The following DMD variants were observed in gnomAD, a reference collection of about 807,000 sequenced individuals.
The protein encoded by DMD is mutant dystrophin.
DMD carries 63 observed loss-of-function variants against 330.1 expected under a neutral mutation model. The observed-to-expected ratio is 0.19, with a 90% CI of 0.16 to 0.24. DMD has a LOEUF of 0.24. Among genes scored for constraint, DMD ranks in the 10% least tolerant of loss-of-function variants. The pLI is 1.00. For synonymous variants in DMD, 1,223 were observed against 959.8 expected (o/e 1.27, Z -5.07); for missense variants, 3,344 against 2,684.1 (o/e 1.25, Z -5.43).
rs201281719 is a variant in DMD at position 32,554,965 on chromosome X, A to AAGAG, written c.1993-9635_1993-9632dup. Among the ~76,000 whole-genome samples, 114 of 96,740 alleles carry AAGAG rather than the reference A, an allele frequency of 1.2e-3. 3 individuals carry two copies. The highest frequency in any genetic ancestry group is 4.1e-3 in the African/African-American group (110 of 26,806). The allele number at this position is 96,740 out of a possible 115,157, so 84.0% of individuals were successfully genotyped here. On this transcript the variant is annotated intron_variant, in intron 16 of 78. Transcript: ENST00000357033. ...AGAGAGAGAGAGGGAGAGAGAAAGA[A>AAGAG]AGAGAGAGAGAGAGAGAGAAAGAAA... is the stretch of plus-strand genomic sequence containing the variant.
At chrX:32,440,140 G>A (rs1322532572) in intron 28 of DMD, among the ~76,000 whole-genome samples, 3 of 111,384 alleles carry the variant, frequency 2.7e-5, no homozygotes, top group Non-Finnish European at 3.8e-5. Flanking sequence ...TCTGGCCACT[G>A]TCCTTTTATT....
At chrX:32,289,913 G>A (rs1457219179) in intron 42 of DMD, among the ~76,000 whole-genome samples, 1 of 111,529 alleles carries the variant, frequency 9.0e-6, no homozygotes. Context: ...ACTGCCTACG[G>A]AGTGGCCATT....
intron 1 of DMD, among the ~76,000 whole-genome samples, chrX:33,276,006 CATATATTACTTGCAAATTTCCG>C (rs1416403026): frequency 4.5e-5 from 5 of 111,794 alleles, no homozygotes; most frequent in Admixed American, 1.9e-4. Flanking sequence ...ATTAAAATCA[CATATATTACTTGCAAATTTCCG>C]ATTTATGTAC....
intron 45 of DMD, among the ~76,000 whole-genome samples, chrX:31,933,834 T>G (rs1316033593): frequency 1.8e-5 from 2 of 112,073 alleles, no homozygotes; most frequent in African/African-American, 6.5e-5. Flanking sequence ...AAAATTATGT[T>G]TACGATAATC....
intron 1 of DMD, among the ~76,000 whole-genome samples, chrX:33,293,930 AT>A (rs2053549700): frequency 9.0e-6 from 1 of 111,682 alleles, no homozygotes; most frequent in African/African-American, 3.2e-5. Context: ...GAGAGGAAGG[AT>A]CTGCGCTAGG....
intron 2 of DMD, among the ~76,000 whole-genome samples, chrX:32,955,303 C>G (rs1827587853): frequency 9.0e-6 from 1 of 111,195 alleles, no homozygotes; most frequent in Admixed American, 9.6e-5. Flanking sequence ...TGATGTTGAG[C>G]TTTTTTCATA....
intron 1 of DMD, among the ~76,000 whole-genome samples, chrX:33,052,652 A>G (rs2094471063): frequency 8.9e-6 from 1 of 111,967 alleles, no homozygotes; most frequent in Admixed American, 9.6e-5. Context: ...AAAATTATAT[A>G]TTTTGAGGGT....
At chrX:33,268,746 G>C (rs1168472256) in intron 1 of DMD, among the ~76,000 whole-genome samples, 1 of 110,142 alleles carries the variant, frequency 9.1e-6, no homozygotes, top group Non-Finnish European at 1.9e-5. Context: ...GGCCAAAATG[G>C]TGAAACCCCG....
chrX:31,178,303 CA>C, intron 70 of DMD: 1 of 987,843 alleles, frequency 1.0e-6, no homozygotes, highest in East Asian at 4.2e-5. Context: ...CAATGAGATA[CA>C]AAAAGACACA....
chrX:32,017,920 C>T (rs937843903), intron 44 of DMD, among the ~76,000 whole-genome samples: 1 of 111,499 alleles, frequency 9.0e-6, no homozygotes, highest in Non-Finnish European at 1.9e-5. Flanking sequence ...TAATGCCATG[C>T]TTTTTTCCCC....
In DMD at chrX:31,773,143, C is replaced by G. The variant is rs772800576; in HGVS notation, c.7542+817G>C. Among the ~76,000 whole-genome samples the G allele has an allele frequency of 1.4e-3, 160 of 112,390 alleles. 3 individuals are homozygous for G. Among genetic ancestry groups the G allele is most frequent in the African/African-American group, 5.0e-3 (154 of 31,017 alleles). On this transcript the variant is annotated intron_variant, in intron 51 of 78. Coordinates refer to ENST00000357033, the MANE Select transcript of DMD (RefSeq NM_004006.3). ...CTTTAATACCTAAATACCTTCAGCA[C>G]AACTTTGTATTTCTTTAGAAAGGCT...
intron 44 of DMD, among the ~76,000 whole-genome samples, chrX:32,045,009 T>C (rs1302364858): frequency 9.0e-6 from 1 of 110,762 alleles, no homozygotes; most frequent in Non-Finnish European, 1.9e-5. Flanking sequence ...CGGGAGGTTT[T>C]TGGGTCATGG....
At chrX:32,169,367 A>T (rs1206545111) in intron 44 of DMD, among the ~76,000 whole-genome samples, 1 of 111,973 alleles carries the variant, frequency 8.9e-6, no homozygotes, top group African/African-American at 3.2e-5. Flanking sequence ...CACTATGCAT[A>T]ATTTTTATTA....
intron 21 of DMD, among the ~76,000 whole-genome samples, chrX:32,473,326 G>A (rs890824916): frequency 9.0e-6 from 1 of 111,258 alleles, no homozygotes; most frequent in Non-Finnish European, 1.9e-5. Flanking sequence ...AATGAAGCAT[G>A]GAGACACAAA....
At chrX:31,168,205 G>A (rs1280232755) in intron 74 of DMD, among the ~76,000 whole-genome samples, 1 of 111,917 alleles carries the variant, frequency 8.9e-6, no homozygotes, top group Non-Finnish European at 1.9e-5. Flanking sequence ...CAACAGCATA[G>A]CCAGAACACA....
At position 32,565,816 on chromosome X, in the gene DMD, A is replaced by T; in HGVS notation, c.1878T>A (p.Asp626Glu). 3 of 1,211,210 alleles carry T rather than the reference A, an allele frequency of 2.5e-6. No homozygotes were observed. The highest frequency in any genetic ancestry group is 3.4e-6 in the Non-Finnish European group (3 of 895,161). The stretch of plus-strand genomic sequence containing the variant: ...ACTTATTCTTCAGTGTTGAAAGAAG[A>T]TCTTGTTTGAGTGAATACAGTTTGC... ...SMGKLYSLKQ[D>E]LLSTLKNKSV... The change falls in exon 16 of 79, where the codon GAT becomes GAA. Residue 626 changes from aspartate (D) to glutamate (E), a missense_variant. Asp to Glu is a conservative substitution (Grantham distance 45). Transcript: ENST00000357033.
intron 4 of DMD, among the ~76,000 whole-genome samples, chrX:32,843,098 C>T (rs918003664): frequency 3.6e-5 from 4 of 111,982 alleles, no homozygotes; most frequent in African/African-American, 6.5e-5. Context: ...ATGAGCACCG[C>T]GCCCGACCTG....
At chrX:32,841,451 G>GTATT (rs2080150543) in intron 4 of DMD, among the ~76,000 whole-genome samples, 1 of 111,896 alleles carries the variant, frequency 8.9e-6, no homozygotes, top group Admixed American at 9.5e-5. Flanking sequence ...ATACTAGGCT[G>GTATT]TATTATAAAA....
chrX:32,861,147 G>A (rs2082046427), intron 2 of DMD, among the ~76,000 whole-genome samples: 1 of 111,706 alleles, frequency 9.0e-6, no homozygotes, highest in African/African-American at 3.3e-5. Flanking sequence ...CTATGTTGTG[G>A]TGATATTGCA....
Sources: allele counts gnomAD v4.1 joint callset (sites outside exome capture counted in the v4.1 genomes callset), GRCh38; gene constraint gnomAD v4.1.1; transcripts MANE v1.5; gene names NCBI Gene and HGNC (gene_info 2026-07-23, HGNC 2026-07-21).